CSMD1: variants seen among roughly 807,000 people sequenced by gnomAD.
The protein encoded by CSMD1 is CUB and Sushi multiple domains 1.
A neutral mutation model predicts 417.5 loss-of-function variants in CSMD1; 213 were observed. The observed-to-expected ratio is 0.51, with a 90% CI of 0.46 to 0.57. The LOEUF (loss-of-function observed/expected upper bound fraction) is 0.57. Ranked by LOEUF, CSMD1 falls within the 20% of genes least tolerant of loss-of-function variation. The pLI, the probability that CSMD1 is intolerant of heterozygous loss-of-function variation, is 0.00. For missense variants in CSMD1, 6,923 were observed against 4,529.7 expected, an observed-to-expected ratio of 1.53 and a Z score of -15.17; for synonymous variants, 2,862 against 1,736.8, an observed-to-expected ratio of 1.65 and a Z score of -16.11.
At chr8:4,880,339 G>C (rs896867717) in intron 1 of CSMD1, among the ~76,000 whole-genome samples, 2 of 152,072 alleles carry the variant, frequency 1.3e-5, no homozygotes, top group Non-Finnish European at 2.9e-5. Context: ...CTGCAGCTAA[G>C]ATAGTCAAAT....
Position 4,415,774 on chromosome 8 carries a change from G to A in CSMD1, c.415+4179C>T, listed in dbSNP as rs1236393763. On this transcript the variant is annotated intron_variant, in intron 3 of 69. Coordinates refer to ENST00000635120, the MANE Select transcript of CSMD1 (RefSeq NM_033225.6). Reference sequence around the variant, plus strand: ...ACTTGTGCACGTATAAGTATGGATAGCAATGTGTATGAGCACACGTGTTTA... The same window carrying A: ...ACTTGTGCACGTATAAGTATGGATAACAATGTGTATGAGCACACGTGTTTA... Among the ~76,000 whole-genome samples the A allele has an allele frequency of 1.3e-5, 2 of 152,190 alleles. 1 individual carries two copies. The highest frequency in any genetic ancestry group is 2.9e-5 in the Non-Finnish European group (2 of 68,034).
At chr8:3,734,362 T>C (rs1233245948) in intron 6 of CSMD1, among the ~76,000 whole-genome samples, 1 of 152,188 alleles carries the variant, frequency 6.6e-6, no homozygotes, top group African/African-American at 2.4e-5. Context: ...GACAGCATCG[T>C]AGAAAAATGG....
chr8:3,058,331 C>G (rs912511143), intron 49 of CSMD1, among the ~76,000 whole-genome samples: 16 of 152,150 alleles, frequency 1.1e-4, no homozygotes, highest in African/African-American at 3.6e-4. Context: ...CAGATCTGTG[C>G]ATTCTGAGGC....
chr8:3,326,900 G>C (rs1563275886), intron 23 of CSMD1, among the ~76,000 whole-genome samples: 1 of 152,104 alleles, frequency 6.6e-6, no homozygotes, highest in Admixed American at 6.6e-5. Context: ...ACATTGATAG[G>C]AAAGTTTTGC....
rs1804615188 is a variant in CSMD1, at chr8:2,973,235, G to T, written c.8805C>A (p.Asp2935Glu). The change falls in exon 57 of 70, where the codon GAC becomes GAA. Residue 2935 changes from aspartate (D) to glutamate (E), a missense_variant. Coordinates refer to ENST00000635120, the MANE Select transcript of CSMD1 (RefSeq NM_033225.6). Reference protein sequence around the residue: ...TPAHGSRLGDDFKTKSLLRFS... With the variant: ...TPAHGSRLGDEFKTKSLLRFS... ...AGCGGAGAAGACTCTTTGTCTTAAA[G>T]TCATCACCAAGCCGAGACCCATGTG... 1 of 1,613,946 alleles carries T rather than the reference G, an allele frequency of 6.2e-7. No individual in the cohort carries two copies. The highest frequency in any genetic ancestry group is 1.1e-5 in the South Asian group (1 of 91,082).
intron 4 of CSMD1, among the ~76,000 whole-genome samples, chr8:4,015,073 G>T (rs551657616): frequency 1.3e-5 from 2 of 152,044 alleles, no homozygotes; most frequent in African/African-American, 4.8e-5. Context: ...ATTTACACTG[G>T]AATTGTTTAT....
chr8:3,397,161 C>G (rs536042260), intron 16 of CSMD1, among the ~76,000 whole-genome samples: 1 of 152,126 alleles, frequency 6.6e-6, no homozygotes. Flanking sequence ...ATCTGATCCT[C>G]GAAGAGCTAA....
At chr8:2,969,633 G>C (rs927405506) in intron 57 of CSMD1, among the ~76,000 whole-genome samples, 4 of 152,084 alleles carry the variant, frequency 2.6e-5, no homozygotes, top group African/African-American at 9.7e-5. Context: ...CTTAACTAGG[G>C]GATTAGTCAA....
chr8:4,039,437 G>T (rs1232174184), intron 3 of CSMD1, among the ~76,000 whole-genome samples: 1 of 152,152 alleles, frequency 6.6e-6, no homozygotes, highest in African/African-American at 2.4e-5. Context: ...TAAAAAATCG[G>T]ATTTCCTAGT....
intron 1 of CSMD1, among the ~76,000 whole-genome samples, chr8:4,924,891 C>G (rs1806749701): frequency 6.6e-6 from 1 of 152,134 alleles, no homozygotes; most frequent in African/African-American, 2.4e-5. Context: ...CAAGACAAAA[C>G]TGGGATTTGA....
At chr8:4,676,615 C>T (rs962861444) in intron 1 of CSMD1, among the ~76,000 whole-genome samples, 1 of 152,180 alleles carries the variant, frequency 6.6e-6, no homozygotes, top group Non-Finnish European at 1.5e-5. Flanking sequence ...TCTCCATTCT[C>T]CTTTCGCACC....
rs889186994 is a variant in CSMD1 at position 3,641,144 on chromosome 8, G to A, written c.1010-24347C>T. On this transcript the variant is annotated intron_variant, in intron 7 of 69. Coordinates refer to ENST00000635120, the MANE Select transcript of CSMD1 (RefSeq NM_033225.6). Reference sequence around the variant, plus strand: ...ATTGCAGAAGGTGCTCAGACAGACCGGTTCTCTGAATCTGCACATGTAACA... The same window carrying A: ...ATTGCAGAAGGTGCTCAGACAGACCAGTTCTCTGAATCTGCACATGTAACA... Among the ~76,000 whole-genome samples the A allele has an allele frequency of 5.3e-5, 8 of 150,086 alleles. No individual in the cohort carries two copies. The East Asian group carries it at 1.0e-3, about 19-fold the overall frequency.
At position 4,800,428 on chromosome 8, in the gene CSMD1, G is replaced by T. The variant is rs1479997353; in HGVS notation, c.86-162870C>A. 1.5e-5 allele frequency among the ~76,000 whole-genome samples: 2 copies of T among 129,090 alleles called. 1 individual carries two copies. The highest frequency in any genetic ancestry group is 6.0e-5 in the African/African-American group (2 of 33,356). 84.7% of individuals were successfully genotyped at this position (129,090 alleles called of 152,430 possible). A position where few individuals can be genotyped will look rare whatever the true frequency, so the allele number is the denominator to read the frequency against. On this transcript the variant is annotated intron_variant, in intron 1 of 69. Transcript: ENST00000635120. ...ACTCCAGGCTGGGTGACAAGAGCAAGACTTCATCTCAAAAAAAAAAAAAAA... is the reference window on the plus strand; with the variant it reads ...ACTCCAGGCTGGGTGACAAGAGCAATACTTCATCTCAAAAAAAAAAAAAAA...
intron 5 of CSMD1, among the ~76,000 whole-genome samples, chr8:3,930,466 C>G (rs1212328333): frequency 6.6e-6 from 1 of 150,498 alleles, no homozygotes; most frequent in African/African-American, 2.5e-5. Flanking sequence ...GTCTTTTTAC[C>G]TTTCTCACCA....
intron 3 of CSMD1, among the ~76,000 whole-genome samples, chr8:4,077,017 G>C (rs1282925736): frequency 6.6e-6 from 1 of 151,984 alleles, no homozygotes; most frequent in African/African-American, 2.4e-5. Context: ...AAGAAAAATT[G>C]CAACTCTAGG....
At chr8:4,404,512 G>A (rs1001151505) in intron 3 of CSMD1, among the ~76,000 whole-genome samples, 3 of 151,818 alleles carry the variant, frequency 2.0e-5, no homozygotes, top group East Asian at 1.9e-4. Flanking sequence ...AGCAGTGGGG[G>A]GCAAAAAATA....
intron 2 of CSMD1, among the ~76,000 whole-genome samples, chr8:4,579,682 T>C (rs1173545187): frequency 6.6e-6 from 1 of 152,096 alleles, no homozygotes; most frequent in East Asian, 1.9e-4. Flanking sequence ...ATTTTAAGGA[T>C]ACTTCTGAAG....
At chr8:3,254,463 A>G (rs994457094) in intron 26 of CSMD1, among the ~76,000 whole-genome samples, 3 of 152,186 alleles carry the variant, frequency 2.0e-5, no homozygotes, top group Non-Finnish European at 4.4e-5. Context: ...TATATCCTGC[A>G]GAGTGTTTTC....
At chr8:3,177,845 A>G (rs886265107) in intron 37 of CSMD1, among the ~76,000 whole-genome samples, 1 of 151,888 alleles carries the variant, frequency 6.6e-6, no homozygotes, top group Non-Finnish European at 1.5e-5. Context: ...ATAAATCAAT[A>G]TTATCACCGT....
Sources: allele counts gnomAD v4.1 joint callset (sites outside exome capture counted in the v4.1 genomes callset), GRCh38; gene constraint gnomAD v4.1.1; transcripts MANE v1.5; gene names NCBI Gene and HGNC (gene_info 2026-07-23, HGNC 2026-07-21).